Variants in KCNJ6 observed in about 807,000 individuals in gnomAD.
The protein encoded by KCNJ6 is G protein-activated inward rectifier potassium channel 2.
In KCNJ6, 9 loss-of-function variants were observed where a neutral mutation model predicts 34.2. The observed-to-expected ratio is 0.26, with a 90% CI of 0.16 to 0.46. The LOEUF (loss-of-function observed/expected upper bound fraction) is 0.46. Ranked by LOEUF, KCNJ6 falls within the 20% of genes least tolerant of loss-of-function variation. The pLI, the probability that KCNJ6 is intolerant of heterozygous loss-of-function variation, is 1.00. For synonymous variants in KCNJ6, 196 were observed against 207.1 expected (o/e 0.95, Z 0.46); for missense variants, 236 against 531.3 (o/e 0.44, Z 5.46).
chr21:37,857,842 T>C (rs184589563), intron 1 of KCNJ6, among the ~76,000 whole-genome samples: 9 of 151,984 alleles, frequency 5.9e-5, no homozygotes. Flanking sequence ...AATATAGAAA[T>C]AGTACAGTGA....
chr21:37,641,525 TA>T (rs1355144226), intron 3 of KCNJ6, among the ~76,000 whole-genome samples: 2 of 152,110 alleles, frequency 1.3e-5, no homozygotes, highest in Non-Finnish European at 2.9e-5. Flanking sequence ...TGCAAATTAG[TA>T]AAAATGTCTC....
intron 1 of KCNJ6, among the ~76,000 whole-genome samples, chr21:37,850,078 T>C (rs781291065): frequency 6.6e-6 from 1 of 152,208 alleles, no homozygotes; most frequent in Non-Finnish European, 1.5e-5. Context: ...TACAATGACC[T>C]GTAAGAGCTC....
chr21:37,735,752 A>G (rs1259772604), intron 2 of KCNJ6, among the ~76,000 whole-genome samples: 1 of 152,204 alleles, frequency 6.6e-6, no homozygotes, highest in Admixed American at 6.5e-5. Context: ...GGCCTGGAGC[A>G]GCCACTTGGA....
chr21:37,747,574 C>G (rs1472823271), intron 2 of KCNJ6, among the ~76,000 whole-genome samples: 1 of 152,164 alleles, frequency 6.6e-6, no homozygotes, highest in Non-Finnish European at 1.5e-5. Context: ...GGGAGATTAT[C>G]CTGGATTATC....
intron 2 of KCNJ6, among the ~76,000 whole-genome samples, chr21:37,790,479 T>C (rs557497411): frequency 1.2e-4 from 18 of 152,224 alleles, no homozygotes; most frequent in Non-Finnish European, 2.5e-4. Flanking sequence ...AATAACCCTA[T>C]GTTCCAGGCA....
chr21:37,673,385 C>G (rs780108758), intron 3 of KCNJ6, among the ~76,000 whole-genome samples: 8 of 152,262 alleles, frequency 5.3e-5, no homozygotes, highest in Admixed American at 2.0e-4. Context: ...TCCCCTCCCC[C>G]TCTTCCAGTC....
chr21:37,707,114 C>A (rs5000795), intron 3 of KCNJ6, among the ~76,000 whole-genome samples: 2 of 152,368 alleles, frequency 1.3e-5, no homozygotes, highest in East Asian at 3.9e-4. Context: ...TGGCAGTACC[C>A]GGGCAGAGGC....
intron 2 of KCNJ6, among the ~76,000 whole-genome samples, chr21:37,773,256 G>GCTCTCTGGA (rs2055126213): frequency 6.6e-6 from 1 of 152,268 alleles, no homozygotes; most frequent in South Asian, 2.1e-4. Flanking sequence ...ATAGCAGGAG[G>GCTCTCTGGA]CTCTCTGGAC....
At chr21:37,793,257 C>T (rs1249526084) in intron 2 of KCNJ6, among the ~76,000 whole-genome samples, 1 of 152,128 alleles carries the variant, frequency 6.6e-6, no homozygotes, top group Non-Finnish European at 1.5e-5. Context: ...ATTTCATTTA[C>T]ATATGGAGGA....
intron 3 of KCNJ6, among the ~76,000 whole-genome samples, chr21:37,650,550 G>T (rs960701265): frequency 6.6e-6 from 1 of 152,094 alleles, no homozygotes; most frequent in African/African-American, 2.4e-5. Flanking sequence ...CCTGGACTAC[G>T]CTTCCTCTCC....
intron 1 of KCNJ6, among the ~76,000 whole-genome samples, chr21:37,853,835 C>CATATATATGTGTGTATATAT (rs1399366665): frequency 0.013 from 573 of 43,200 alleles, 8 homozygotes; most frequent in Middle Eastern, 0.022. Context: ...TTAAGAGATA[C>CATATATATGTGTGTATATAT]ATATATATAT....
chr21:37,626,746 G>A (rs1046342330), intron 3 of KCNJ6, among the ~76,000 whole-genome samples: 12 of 152,130 alleles, frequency 7.9e-5, no homozygotes, highest in African/African-American at 1.7e-4. Flanking sequence ...GCAAAAAGGC[G>A]TGGTGTCTAT....
At chr21:37,913,119 C>T (rs1235181665) in intron 1 of KCNJ6, among the ~76,000 whole-genome samples, 1 of 152,188 alleles carries the variant, frequency 6.6e-6, no homozygotes, top group Non-Finnish European at 1.5e-5. Context: ...ATTATTTTTC[C>T]TCTTCATATC....
intron 3 of KCNJ6, among the ~76,000 whole-genome samples, chr21:37,629,716 A>C (rs2054325562): frequency 6.6e-6 from 1 of 152,176 alleles, no homozygotes; most frequent in Non-Finnish European, 1.5e-5. Context: ...TCTGATGTTT[A>C]AGCCACTCAG....
chr21:37,722,735 G>T (rs927670856), intron 2 of KCNJ6, among the ~76,000 whole-genome samples: 12 of 152,154 alleles, frequency 7.9e-5, no homozygotes, highest in Non-Finnish European at 1.6e-4. Context: ...CTAGCCATGT[G>T]CAGAAGAATG....
At chr21:37,853,384 A>G (rs1292417007) in intron 1 of KCNJ6, among the ~76,000 whole-genome samples, 1 of 133,504 alleles carries the variant, frequency 7.5e-6, no homozygotes, top group African/African-American at 3.4e-5. Context: ...ACATTTTTCA[A>G]CCACTGGGAA....
chr21:37,869,112 GA>G (rs764373403), intron 1 of KCNJ6, among the ~76,000 whole-genome samples: 46 of 152,232 alleles, frequency 3.0e-4, no homozygotes, highest in Non-Finnish European at 5.4e-4. Flanking sequence ...AGCAGGCTGT[GA>G]GTGGATCGCC....
At chr21:37,809,491 A>G (rs959472317) in intron 2 of KCNJ6, among the ~76,000 whole-genome samples, 7 of 152,212 alleles carry the variant, frequency 4.6e-5, no homozygotes, top group South Asian at 2.1e-4. Flanking sequence ...AAACCTGCAC[A>G]TTGTGCACAT....
chr21:37,797,264 T>G (rs1157499433), intron 2 of KCNJ6, among the ~76,000 whole-genome samples: 1 of 152,090 alleles, frequency 6.6e-6, no homozygotes, highest in Non-Finnish European at 1.5e-5. Context: ...TTGGTCAGGC[T>G]GGTTTCCAAC....
Sources: gnomAD v4.1 joint callset for allele counts (sites outside exome capture counted in the v4.1 genomes callset) on GRCh38, gnomAD v4.1.1 for gene constraint, MANE v1.5 for transcripts, NCBI Gene and HGNC (gene_info 2026-07-23, HGNC 2026-07-21) for gene names.